The following SAMD3 variants were observed in gnomAD, a reference collection of about 807,000 sequenced individuals.
SAMD3 encodes the protein sterile alpha motif domain containing 3.
SAMD3 carries 63 observed loss-of-function variants against 58.5 expected under a neutral mutation model. That is an observed-to-expected ratio of 1.08 (90% confidence interval 0.88 to 1.33). The LOEUF (loss-of-function observed/expected upper bound fraction) is 1.33. SAMD3 is among the 40% of genes most tolerant of loss of function. The pLI is 0.00. For synonymous variants in SAMD3, 220 were observed against 210.3 expected (o/e 1.05, Z -0.40); for missense variants, 604 against 608.4 (o/e 0.99, Z 0.08).
intron 2 of SAMD3, among the ~76,000 whole-genome samples, chr6:130,247,295 C>T (rs540308751): frequency 6.6e-6 from 1 of 151,960 alleles, no homozygotes; most frequent in Admixed American, 6.6e-5. Flanking sequence ...CATGGTGAAA[C>T]CCCATCTCTA....
upstream of SAMD3, chr6:130,365,478 C>G (rs973034435): frequency 2.0e-6 from 2 of 985,312 alleles, no homozygotes; most frequent in South Asian, 9.4e-5. Context: ...GCCAGGGGGA[C>G]CCCGGCCCGC....
chr6:130,267,162 C>A (rs747285920), intron 2 of SAMD3, among the ~76,000 whole-genome samples: 2 of 152,122 alleles, frequency 1.3e-5, no homozygotes, highest in African/African-American at 4.8e-5. Context: ...TAGTTAAAGA[C>A]ATAGTTAAAG....
At chr6:130,263,594 C>T (rs1583023221) in intron 2 of SAMD3, among the ~76,000 whole-genome samples, 1 of 152,180 alleles carries the variant, frequency 6.6e-6, no homozygotes, top group South Asian at 2.1e-4. Context: ...AAATTTAACT[C>T]GTTTCATCTA....
intron 2 of SAMD3, among the ~76,000 whole-genome samples, chr6:130,236,254 A>G (rs940151596): frequency 1.3e-5 from 2 of 152,204 alleles, no homozygotes; most frequent in African/African-American, 2.4e-5. Context: ...ATGTGTGTTA[A>G]TCTCTGCAAA....
chr6:130,208,441 C>T (rs1338739734), intron 5 of SAMD3, among the ~76,000 whole-genome samples: 1 of 152,152 alleles, frequency 6.6e-6, no homozygotes, highest in African/African-American at 2.4e-5. Flanking sequence ...AGGAGGTGAG[C>T]AGCGGGTGAG....
At chr6:130,268,521 C>T (rs1774441879) in intron 2 of SAMD3, among the ~76,000 whole-genome samples, 1 of 152,174 alleles carries the variant, frequency 6.6e-6, no homozygotes, top group Admixed American at 6.5e-5. Context: ...CCCACTCATA[C>T]AGAGCAACTT....
intron 2 of SAMD3, among the ~76,000 whole-genome samples, chr6:130,233,322 T>C (rs370193442): frequency 1.7e-4 from 26 of 152,322 alleles, no homozygotes; most frequent in African/African-American, 6.0e-4. Flanking sequence ...TAAATAGGTA[T>C]ACATGTGCCA....
intron 2 of SAMD3, among the ~76,000 whole-genome samples, chr6:130,296,986 C>T (rs1214222826): frequency 6.6e-6 from 1 of 152,212 alleles, no homozygotes; most frequent in Non-Finnish European, 1.5e-5. Context: ...TCCTACCACC[C>T]ATCCTTCAGG....
chr6:130,274,815 A>G (rs1242181900), intron 2 of SAMD3, among the ~76,000 whole-genome samples: 1 of 150,536 alleles, frequency 6.6e-6, no homozygotes, highest in East Asian at 2.0e-4. Context: ...ATTCCAGTAT[A>G]TTACTGAAGT....
At chr6:130,265,259 G>A (rs1299381520) in intron 2 of SAMD3, among the ~76,000 whole-genome samples, 1 of 152,110 alleles carries the variant, frequency 6.6e-6, no homozygotes, top group Non-Finnish European at 1.5e-5. Context: ...ATTCTAGTGG[G>A]CCCAACCTCC....
chr6:130,142,882 G>C (rs1350758876), downstream of SAMD3: 1 of 152,242 alleles, frequency 6.6e-6, no homozygotes, highest in Non-Finnish European at 1.5e-5. Context: ...AAGGAAGAAG[G>C]AGTAATTTGG....
intron 2 of SAMD3, among the ~76,000 whole-genome samples, chr6:130,277,537 A>T (rs1325594350): frequency 6.6e-6 from 1 of 152,214 alleles, no homozygotes; most frequent in African/African-American, 2.4e-5. Context: ...TAAATGGTGT[A>T]CAGTCTACTG....
chr6:130,355,524 C>CT (rs1180555882), intron 1 of SAMD3, among the ~76,000 whole-genome samples: 1 of 152,172 alleles, frequency 6.6e-6, no homozygotes, highest in African/African-American at 2.4e-5. Context: ...TAATCCAGTT[C>CT]TTTTTGTTTA....
At chr6:130,306,895 T>C (rs1775927865) in intron 2 of SAMD3, among the ~76,000 whole-genome samples, 1 of 152,200 alleles carries the variant, frequency 6.6e-6, no homozygotes, top group South Asian at 2.1e-4. Context: ...CTTTCTATAA[T>C]GATATTTTAA....
chr6:130,220,770 TAAC>T (rs1236810648), intron 1 of SAMD3, among the ~76,000 whole-genome samples: 3 of 152,170 alleles, frequency 2.0e-5, no homozygotes, highest in Non-Finnish European at 4.4e-5. Flanking sequence ...GTTATGCTAT[TAAC>T]AGCATGGTAC....
intron 8 of SAMD3, among the ~76,000 whole-genome samples, chr6:130,159,100 T>A (rs776771166): frequency 1.7e-4 from 26 of 152,192 alleles, no homozygotes; most frequent in Non-Finnish European, 2.9e-4. Context: ...AAATCTCATC[T>A]TGTAGCTCCC....
At chr6:130,200,556 A>AC (rs1794560329) in intron 5 of SAMD3, among the ~76,000 whole-genome samples, 1 of 74,448 alleles carries the variant, frequency 1.3e-5, no homozygotes, top group Non-Finnish European at 2.6e-5. Flanking sequence ...CCCCCGACCC[A>AC]CAAAAAAAAA....
intron 1 of SAMD3, among the ~76,000 whole-genome samples, chr6:130,325,032 G>T (rs546232507): frequency 6.7e-6 from 1 of 148,418 alleles, no homozygotes; most frequent in Non-Finnish European, 1.5e-5. Context: ...ATGAAATACT[G>T]CACGTACAAT....
At chr6:130,307,365 T>A (rs1775943711) in intron 2 of SAMD3, among the ~76,000 whole-genome samples, 1 of 152,220 alleles carries the variant, frequency 6.6e-6, no homozygotes, top group Non-Finnish European at 1.5e-5. Flanking sequence ...TCTGAAAAAT[T>A]ACGTAGCTAA....
Sources: allele counts gnomAD v4.1 joint callset (sites outside exome capture counted in the v4.1 genomes callset), GRCh38; gene constraint gnomAD v4.1.1; transcripts MANE v1.5; gene names NCBI Gene and HGNC (gene_info 2026-07-23, HGNC 2026-07-21).